EMILIN2: variants seen among roughly 807,000 people sequenced by gnomAD.
EMILIN2 encodes elastin microfibril interfacer 2.
A neutral mutation model predicts 87.1 loss-of-function variants in EMILIN2; 71 were observed. That is an observed-to-expected ratio of 0.82 (90% CI 0.67 to 0.99). The LOEUF is 0.99. Ranked by LOEUF, EMILIN2 falls within the 50% of genes least tolerant of loss-of-function variation. The pLI is 0.00. For synonymous variants in EMILIN2, 581 were observed against 563.4 expected (o/e 1.03, Z -0.44); for missense variants, 1,407 against 1,371.8 (o/e 1.03, Z -0.40).
chr18:2,913,920 G>A lies in EMILIN2; in HGVS notation c.*516G>A, dbSNP rs1059282. On this transcript the variant is annotated 3_prime_UTR_variant, in exon 8 of 8. Transcript: ENST00000254528. ...GTTCCACGCTTGGCTCACCATTGCC[G>A]CCTGGGACTTAACCTGCTCAGGCGG... 0.32 allele frequency: 49,933 copies of A among 155,538 alleles called. 8,428 individuals are homozygous for A. Among genetic ancestry groups the A allele is most frequent in the East Asian group, 0.48 (2,490 of 5,178 alleles). The allele number at this position is 155,538 out of a possible 1,614,324, so 9.6% of individuals were successfully genotyped here. A position where few individuals can be genotyped will look rare whatever the true frequency, so the allele number is the denominator to read the frequency against.
chr18:2,855,688 G>C (rs1289868439), intron 2 of EMILIN2, among the ~76,000 whole-genome samples: 1 of 152,226 alleles, frequency 6.6e-6, no homozygotes, highest in Admixed American at 6.5e-5. Context: ...GGAGACAGAA[G>C]AGTTGTCCTA....
chr18:2,861,892 A>G (rs1017835841), intron 2 of EMILIN2, among the ~76,000 whole-genome samples: 33 of 152,032 alleles, frequency 2.2e-4, no homozygotes, highest in Non-Finnish European at 3.5e-4. Flanking sequence ...ATTTGTTTGT[A>G]TCCTCTTTTA....
intron 5 of EMILIN2, 83 bp from the exon 6 acceptor site, chr18:2,908,860 G>A: frequency 6.6e-7 from 1 of 1,525,470 alleles, no homozygotes; most frequent in Non-Finnish European, 9.1e-7. Flanking sequence ...GAACTTGTGA[G>A]GAGCAGAGGA....
intron 4 of EMILIN2, among the ~76,000 whole-genome samples, chr18:2,896,225 G>A (rs1441028508): frequency 6.6e-6 from 1 of 151,980 alleles, no homozygotes; most frequent in African/African-American, 2.4e-5. Context: ...GCTGGGGCTG[G>A]AGTGCAGTGG....
In EMILIN2 at chr18:2,891,901, A is replaced by G. The variant is rs145169665; in HGVS notation, c.1774A>G (p.Arg592Gly). Residue 592 changes from arginine to glycine, a missense_variant, in exon 4 of 8, where the codon AGG (arginine) becomes GGG (glycine). Arg to Gly is a moderately radical substitution (Grantham distance 125). Coordinates refer to ENST00000254528, the MANE Select transcript of EMILIN2 (RefSeq NM_032048.3). This position sits in a 1 kb window ranked among gnomAD's most constrained non-coding sequence, Gnocchi z 4.6. ...GAAATCTCTCAACGACACGATGCAC[A>G]GGAAGTTTCAAGAAACCGAACAAAC... The part of the protein sequence containing the change: ...LLKSLNDTMH[R>G]KFQETEQTIQ... 1.2e-6 allele frequency: 2 copies of G among 1,614,260 alleles called. No homozygotes were observed. Among genetic ancestry groups the G allele is most frequent in the Non-Finnish European group, 1.7e-6 (2 of 1,180,050 alleles).
intron 2 of EMILIN2, among the ~76,000 whole-genome samples, chr18:2,868,638 A>G (rs2076702440): frequency 6.6e-6 from 1 of 152,262 alleles, no homozygotes; most frequent in Non-Finnish European, 1.5e-5. Context: ...CACCAAAAAA[A>G]TACGAAAACC....
chr18:2,896,743 T>C (rs1006097958), intron 4 of EMILIN2, among the ~76,000 whole-genome samples: 2 of 151,662 alleles, frequency 1.3e-5, no homozygotes, highest in African/African-American at 4.8e-5. Flanking sequence ...TGCCTCAGCC[T>C]GGGATTCAGG....
intron 2 of EMILIN2, among the ~76,000 whole-genome samples, chr18:2,881,946 G>T (rs993146105): frequency 1.3e-5 from 2 of 152,218 alleles, no homozygotes; most frequent in Non-Finnish European, 2.9e-5. Flanking sequence ...CGAAGTGGGG[G>T]TTGCCTACCT....
chr18:2,853,891 G>C (rs1025759422), intron 2 of EMILIN2, among the ~76,000 whole-genome samples: 8 of 152,236 alleles, frequency 5.3e-5, no homozygotes, highest in African/African-American at 1.9e-4. Flanking sequence ...GTGTTTGGAC[G>C]TACGGCTGGT....
At chr18:2,898,798 C>T (rs1051320523) in intron 4 of EMILIN2, among the ~76,000 whole-genome samples, 2 of 152,218 alleles carry the variant, frequency 1.3e-5, no homozygotes, top group Non-Finnish European at 2.9e-5. Context: ...CCCTTTGCCC[C>T]AACTCAAAAT....
At chr18:2,912,032 CTTTTTTTTTTTT>C (rs35260656) in intron 7 of EMILIN2, among the ~76,000 whole-genome samples, 1 of 73,150 alleles carries the variant, frequency 1.4e-5, no homozygotes, top group Non-Finnish European at 2.7e-5. Flanking sequence ...CTGACAACCA[CTTTTTTTTTTTT>C]TTTTTTTTTT....
intron 2 of EMILIN2, among the ~76,000 whole-genome samples, chr18:2,852,394 C>T (rs939272726): frequency 6.6e-6 from 1 of 152,220 alleles, no homozygotes; most frequent in African/African-American, 2.4e-5. Flanking sequence ...TGTTCCCGAG[C>T]TCAGCTGCCA....
chr18:2,893,467 G>A (rs986572369), intron 4 of EMILIN2, among the ~76,000 whole-genome samples: 5 of 152,214 alleles, frequency 3.3e-5, no homozygotes, highest in African/African-American at 1.2e-4. Flanking sequence ...CAGTAGTGCT[G>A]AGAGCAATGC....
At chr18:2,888,293 T>C (rs1028974911) in intron 3 of EMILIN2, among the ~76,000 whole-genome samples, 1 of 152,230 alleles carries the variant, frequency 6.6e-6, no homozygotes, top group Non-Finnish European at 1.5e-5. Context: ...CACCGTGGTA[T>C]ATGAGCAAAG....
chr18:2,848,018 C>T lies in EMILIN2; in HGVS notation c.257+87C>T, dbSNP rs549193140. 0.015 allele frequency: 21,059 copies of T among 1,417,604 alleles called. 289 individuals carry two copies. The highest frequency in any genetic ancestry group is 0.065 in the Admixed American group (2,604 of 40,158). 87.8% of individuals were successfully genotyped at this position (1,417,604 alleles called of 1,614,324 possible). A position where few individuals can be genotyped will look rare whatever the true frequency, so the allele number is the denominator to read the frequency against. On this transcript the variant is annotated intron_variant, in intron 2 of 7. Transcript: ENST00000254528. The surrounding 1 kb of genome is among the most constrained non-coding windows in gnomAD (Gnocchi z 4.1). ...GGGGTTGCTGCGCTGGGCTCCAGTC[C>T]CTCCGGTAAATCCCTTCCAGATCCG... is the stretch of plus-strand genomic sequence containing the variant.
chr18:2,889,133 C>CTTTTTTTTTTTTTTTTTTTTTT (rs772439545), intron 3 of EMILIN2, among the ~76,000 whole-genome samples: 43 of 84,316 alleles, frequency 5.1e-4, no homozygotes, highest in Non-Finnish European at 7.6e-4. Context: ...TCTTTCTTTT[C>CTTTTTTTTTTTTTTTTTTTTTT]TTTTTTTTTT....
intron 2 of EMILIN2, among the ~76,000 whole-genome samples, chr18:2,856,983 A>G (rs1264526390): frequency 1.3e-5 from 2 of 152,224 alleles, no homozygotes; most frequent in Admixed American, 1.3e-4. Context: ...TGAGGGCTGA[A>G]ACAAAGTAGG....
intron 2 of EMILIN2, among the ~76,000 whole-genome samples, chr18:2,850,340 GTT>G (rs1247514389): frequency 6.6e-6 from 1 of 151,968 alleles, no homozygotes; most frequent in Non-Finnish European, 1.5e-5. Flanking sequence ...ATTGTTCAGT[GTT>G]TTCTGAGGAA....
intron 2 of EMILIN2, among the ~76,000 whole-genome samples, chr18:2,856,236 A>G (rs1206165283): frequency 1.3e-5 from 2 of 152,132 alleles, no homozygotes; most frequent in Admixed American, 6.5e-5. Context: ...ATTTAAGTGT[A>G]AAAAAATTAA....
Sources: allele counts gnomAD v4.1 joint callset (sites outside exome capture counted in the v4.1 genomes callset), GRCh38; gene constraint gnomAD v4.1.1; non-coding constraint Gnocchi (gnomAD v3.1); transcripts MANE v1.5; gene names NCBI Gene and HGNC (gene_info 2026-07-23, HGNC 2026-07-21).